The following KCNQ1OT1 variants were observed in gnomAD, a reference collection of about 807,000 sequenced individuals.
KCNQ1OT1 encodes KCNQ1 opposite strand/antisense transcript 1.
At chr11:2,662,245 G>C in exon 1 of KCNQ1OT1, 1 of 845,920 alleles carries the variant, frequency 1.2e-6, no homozygotes, top group Non-Finnish European at 1.9e-6. Flanking sequence ...CACCAGGCAA[G>C]AGAGGAGAGC....
chr11:2,675,938 G>A, exon 1 of KCNQ1OT1: 1 of 398,594 alleles, frequency 2.5e-6, no homozygotes, highest in Non-Finnish European at 4.4e-6. Context: ...TTACACACAT[G>A]GTAAAACCAA....
Position 2,642,522 on chromosome 11 carries a change from C to T in KCNQ1OT1, n.57473G>A, listed in dbSNP as rs1849595486. 3 of 397,774 alleles carry T rather than the reference C, an allele frequency of 7.5e-6. No individual in the cohort carries two copies. Among genetic ancestry groups the T allele is most frequent in the South Asian group, 1.3e-4 (1 of 7,830 alleles). 24.6% of individuals were successfully genotyped at this position (397,774 alleles called of 1,614,324 possible). On this transcript the variant is annotated non_coding_transcript_exon_variant, in exon 1 of 1. Transcript: ENST00000597346. This position sits in a 1 kb window ranked among gnomAD's most constrained non-coding sequence, Gnocchi z 4.3. ...TTTCATGGTATGAGTTGTAATATCC[C>T]CTTTTTCATTTTTGATTTTATTCAT...
exon 1 of KCNQ1OT1, chr11:2,696,496 C>G: frequency 2.5e-6 from 1 of 398,672 alleles, no homozygotes; most frequent in Admixed American, 4.4e-5. Context: ...TGGTATCTGC[C>G]AGCAGAAGTC....
Position 2,657,490 on chromosome 11 carries a change from C to T in KCNQ1OT1, n.42505G>A, listed in dbSNP as rs1028736203. The T allele has an allele frequency of 2.8e-5, 11 of 398,432 alleles. No homozygotes were observed. Among genetic ancestry groups the T allele is most frequent in the Non-Finnish European group, 4.4e-5 (10 of 226,044 alleles). 24.7% of individuals were successfully genotyped at this position (398,432 alleles called of 1,614,324 possible). On this transcript the variant is annotated non_coding_transcript_exon_variant, in exon 1 of 1. Transcript: ENST00000597346. This position sits in a 1 kb window ranked among gnomAD's most constrained non-coding sequence, Gnocchi z 4.8. ...GGTTCTGTTTTCTCTTGTTACCTCACATTTTTTATTTACAGAAGAGAAACA... is the reference window on the plus strand; with the variant it reads ...GGTTCTGTTTTCTCTTGTTACCTCATATTTTTTATTTACAGAAGAGAAACA...
rs1848990547 is a variant in KCNQ1OT1 at position 2,612,365 on chromosome 11, T to C, written n.87630A>G. On this transcript the variant is annotated non_coding_transcript_exon_variant, in exon 1 of 1. Coordinates refer to ENST00000597346, the Ensembl canonical transcript of KCNQ1OT1. The surrounding 1 kb of genome is among the most constrained non-coding windows in gnomAD (Gnocchi z 5.5). ...GAAAAATTGTCTTCCACAAAACTGG[T>C]CCCTCATGCCAAAAAGGTTGGGGAC... The C allele has an allele frequency of 2.5e-6, 1 of 398,628 alleles. No individual in the cohort carries two copies. Among genetic ancestry groups the C allele is most frequent in the Non-Finnish European group, 4.4e-6 (1 of 226,076 alleles). The allele number at this position is 398,628 out of a possible 1,614,324, so 24.7% of individuals were successfully genotyped here. A position where few individuals can be genotyped will look rare whatever the true frequency, so the allele number is the denominator to read the frequency against.
exon 1 of KCNQ1OT1, chr11:2,635,969 A>G (rs1409456882): frequency 6.6e-6 from 1 of 152,122 alleles, no homozygotes; most frequent in African/African-American, 2.4e-5. Flanking sequence ...TTCACTCATG[A>G]TTTGGCTCTC....
chr11:2,679,141 C>T lies in KCNQ1OT1; in HGVS notation n.20854G>A. On this transcript the variant is annotated non_coding_transcript_exon_variant, in exon 1 of 1. Transcript: ENST00000597346. This position sits in a 1 kb window ranked among gnomAD's most constrained non-coding sequence, Gnocchi z 4.8. Reference sequence around the variant, plus strand: ...TGTGCAGGCCAAAATGGTTTCATGGCATGAGTTGGGCAGCAGCGACTCAGT... The same window carrying T: ...TGTGCAGGCCAAAATGGTTTCATGGTATGAGTTGGGCAGCAGCGACTCAGT... 2.5e-6 allele frequency: 1 copy of T among 398,622 alleles called. No individual in the cohort carries two copies. Among genetic ancestry groups the T allele is most frequent in the Non-Finnish European group, 4.4e-6 (1 of 226,078 alleles). The allele number at this position is 398,622 out of a possible 1,614,324, so 24.7% of individuals were successfully genotyped here. A position where few individuals can be genotyped will look rare whatever the true frequency, so the allele number is the denominator to read the frequency against.
exon 1 of KCNQ1OT1, chr11:2,685,476 C>T: frequency 2.5e-6 from 1 of 398,846 alleles, no homozygotes; most frequent in Non-Finnish European, 4.4e-6. Flanking sequence ...ACTCCCATCT[C>T]ACAGGCCACC....
chr11:2,675,591 C>T (rs1252042240), exon 1 of KCNQ1OT1: 2 of 398,520 alleles, frequency 5.0e-6, no homozygotes, highest in Non-Finnish European at 8.8e-6. Flanking sequence ...CCTAGGAGAT[C>T]CCAATTGCTC....
Position 2,620,987 on chromosome 11 carries a change from T to C in KCNQ1OT1, n.79008A>G. 2.5e-6 allele frequency: 1 copy of C among 398,086 alleles called. No homozygotes were observed. The highest frequency in any genetic ancestry group is 4.4e-6 in the Non-Finnish European group (1 of 226,070). The allele number at this position is 398,086 out of a possible 1,614,324, so 24.7% of individuals were successfully genotyped here. ...GTTTTTTGCTTTTTTGTTTGTTTGT[T>C]TGTTTTTTGAGAAAGAGTCTTGCTC... On this transcript the variant is annotated non_coding_transcript_exon_variant, in exon 1 of 1. Coordinates refer to ENST00000597346, the Ensembl canonical transcript of KCNQ1OT1. The surrounding 1 kb of genome is among the most constrained non-coding windows in gnomAD (Gnocchi z 4.5).
rs1023182051 is a variant in KCNQ1OT1, at chr11:2,609,149, A to G, written n.90846T>C. 1.3e-5 allele frequency: 5 copies of G among 398,098 alleles called. No homozygotes were observed. In the Admixed American group the frequency reaches 1.3e-4, roughly 11 times the overall value. The allele number at this position is 398,098 out of a possible 1,614,324, so 24.7% of individuals were successfully genotyped here. On this transcript the variant is annotated non_coding_transcript_exon_variant, in exon 1 of 1. Coordinates refer to ENST00000597346, the Ensembl canonical transcript of KCNQ1OT1. ...CTGATTTGAAGCCTTATTTTTTGAT[A>G]TAGGCATTCATAGCTATAAAATTCC...
exon 1 of KCNQ1OT1, chr11:2,667,004 G>A: frequency 2.5e-6 from 1 of 398,706 alleles, no homozygotes; most frequent in Non-Finnish European, 4.4e-6. Flanking sequence ...GGCTGCATGA[G>A]TCATAGGATC....
exon 1 of KCNQ1OT1, chr11:2,630,388 C>T (rs1005983265): frequency 2.5e-6 from 1 of 397,624 alleles, no homozygotes; most frequent in Admixed American, 4.4e-5. Context: ...TTATATTGTC[C>T]TTGTCTGGCC....
Position 2,678,774 on chromosome 11 carries a change from G to T in KCNQ1OT1, n.21221C>A, listed in dbSNP as rs185255596. The T allele has an allele frequency of 5.4e-4, 214 of 398,620 alleles. 1 individual carries two copies. The highest frequency in any genetic ancestry group is 3.9e-3 in the African/African-American group (191 of 48,736). 24.7% of individuals were successfully genotyped at this position (398,620 alleles called of 1,614,324 possible). On this transcript the variant is annotated non_coding_transcript_exon_variant, in exon 1 of 1. Coordinates refer to ENST00000597346, the Ensembl canonical transcript of KCNQ1OT1. The surrounding 1 kb of genome is among the most constrained non-coding windows in gnomAD (Gnocchi z 4.9). ...GGGTGTTTGGGACTGAGGCTTCATC[G>T]TGGCAGCTAATAATGTCAGGGAGCA...
rs138612103 is a variant in KCNQ1OT1, at chr11:2,667,519, A to G, written n.32476T>C. On this transcript the variant is annotated non_coding_transcript_exon_variant, in exon 1 of 1. Coordinates refer to ENST00000597346, the Ensembl canonical transcript of KCNQ1OT1. ...ACGCCACAGAGGTGGCTGGAGGGCA[A>G]AGGACTTCACAACTGCACTGATATT... 4.2e-3 allele frequency: 1,487 copies of G among 353,382 alleles called. 24 individuals carry two copies. Among genetic ancestry groups the G allele is most frequent in the African/African-American group, 0.029 (1,343 of 46,762 alleles). The allele number at this position is 353,382 out of a possible 1,614,324, so 21.9% of individuals were successfully genotyped here. A position where few individuals can be genotyped will look rare whatever the true frequency, so the allele number is the denominator to read the frequency against.
chr11:2,690,820 C>T lies in KCNQ1OT1; in HGVS notation n.9175G>A. The T allele has an allele frequency of 2.5e-6, 1 of 398,616 alleles. No homozygotes were observed. The allele number at this position is 398,616 out of a possible 1,614,324, so 24.7% of individuals were successfully genotyped here. On this transcript the variant is annotated non_coding_transcript_exon_variant, in exon 1 of 1. Coordinates refer to ENST00000597346, the Ensembl canonical transcript of KCNQ1OT1. This position sits in a 1 kb window ranked among gnomAD's most constrained non-coding sequence, Gnocchi z 5.1. ...TCCCTGTCTCCTTGGCTTCCAGCTTCCAGGCTCTGGCACTCCCACTGTTAG... is the reference window on the plus strand; with the variant it reads ...TCCCTGTCTCCTTGGCTTCCAGCTTTCAGGCTCTGGCACTCCCACTGTTAG...
rs912278130 is a variant in KCNQ1OT1 at position 2,647,644 on chromosome 11, G to A, written n.52351C>T. On this transcript the variant is annotated non_coding_transcript_exon_variant, in exon 1 of 1. Transcript: ENST00000597346. The surrounding 1 kb of genome is among the most constrained non-coding windows in gnomAD (Gnocchi z 4.0). ...TGCAATCCTGAGGTTTTCTTTACTG[G>A]GAGACTTTATTACTGATACAATCTC... is the stretch of plus-strand genomic sequence containing the variant. 4 of 398,404 alleles carry A rather than the reference G, an allele frequency of 1.0e-5. No homozygotes were observed. The highest frequency in any genetic ancestry group is 1.3e-5 in the Non-Finnish European group (3 of 225,990). 24.7% of individuals were successfully genotyped at this position (398,404 alleles called of 1,614,324 possible).
exon 1 of KCNQ1OT1, chr11:2,685,816 C>T (rs1850478617): frequency 2.5e-6 from 1 of 398,596 alleles, no homozygotes; most frequent in Non-Finnish European, 4.4e-6. Flanking sequence ...AATGCGATTC[C>T]TACTAGAACG....
rs1469315334 is a variant in KCNQ1OT1 at position 2,698,973 on chromosome 11, G to A, written n.1022C>T. 2 of 398,444 alleles carry A rather than the reference G, an allele frequency of 5.0e-6. No homozygotes were observed. The highest frequency in any genetic ancestry group is 3.6e-5 in the East Asian group (1 of 28,078). 24.7% of individuals were successfully genotyped at this position (398,444 alleles called of 1,614,324 possible). Reference sequence around the variant, plus strand: ...AGGATACCTAACTCAGAACCACAACGGGGATTCCCACCTCCGATCCTAATT... The same window carrying A: ...AGGATACCTAACTCAGAACCACAACAGGGATTCCCACCTCCGATCCTAATT... On this transcript the variant is annotated non_coding_transcript_exon_variant, in exon 1 of 1. Coordinates refer to ENST00000597346, the Ensembl canonical transcript of KCNQ1OT1. The surrounding 1 kb of genome is among the most constrained non-coding windows in gnomAD (Gnocchi z 5.1).
Sources: gnomAD v4.1 joint callset for allele counts on GRCh38, gnomAD v4.1.1 for gene constraint, Gnocchi (gnomAD v3.1) non-coding constraint, MANE v1.5 for transcripts, NCBI Gene and HGNC (gene_info 2026-07-23, HGNC 2026-07-21) for gene names.